Variants in SAMMSON observed in about 807,000 individuals in gnomAD.
SAMMSON encodes the protein survival associated mitochondrial melanoma specific oncogenic non-coding RNA.
chr3:70,198,032 T>C (rs1003585954), intron 4 of SAMMSON, among the ~76,000 whole-genome samples: 2 of 152,224 alleles, frequency 1.3e-5, no homozygotes, highest in African/African-American at 4.8e-5. Flanking sequence ...TTAGAAGATG[T>C]AGCAGTTCTC....
At chr3:70,294,264 T>G (rs1702268281) in intron 7 of SAMMSON, among the ~76,000 whole-genome samples, 1 of 151,364 alleles carries the variant, frequency 6.6e-6, no homozygotes, top group African/African-American at 2.4e-5. Flanking sequence ...GTGTTCTTTA[T>G]AAAACATTTT....
intron 4 of SAMMSON, among the ~76,000 whole-genome samples, chr3:70,151,064 C>A (rs2067569360): frequency 6.8e-6 from 1 of 147,292 alleles, no homozygotes; most frequent in Non-Finnish European, 1.5e-5. Context: ...AGCATCCAGC[C>A]AGGAAAACAG....
chr3:70,048,050 C>T (rs896162179), intron 3 of SAMMSON, among the ~76,000 whole-genome samples: 5 of 151,970 alleles, frequency 3.3e-5, no homozygotes, highest in African/African-American at 1.2e-4. Flanking sequence ...AGCAAAAATA[C>T]CACTCAGGTA....
intron 4 of SAMMSON, among the ~76,000 whole-genome samples, chr3:70,144,823 C>T (rs942406274): frequency 3.3e-5 from 5 of 152,158 alleles, no homozygotes; most frequent in Admixed American, 6.6e-5. Flanking sequence ...TGACTTGCTC[C>T]TCCTTGCCTC....
chr3:70,015,553 T>G (rs969446867), intron 3 of SAMMSON, among the ~76,000 whole-genome samples: 1 of 152,162 alleles, frequency 6.6e-6, no homozygotes, highest in East Asian at 1.9e-4. Context: ...CAGGTCTTAC[T>G]TGAGGTGTCT....
intron 6 of SAMMSON, among the ~76,000 whole-genome samples, chr3:70,260,212 C>G (rs1701852778): frequency 6.6e-6 from 1 of 152,156 alleles, no homozygotes; most frequent in Non-Finnish European, 1.5e-5. Flanking sequence ...CCAGCAATCA[C>G]AGGCATTCCT....
intron 2 of SAMMSON, among the ~76,000 whole-genome samples, chr3:70,401,778 T>C (rs1701143689): frequency 6.6e-6 from 1 of 152,180 alleles, no homozygotes; most frequent in Admixed American, 6.6e-5. Context: ...GCAAAAATTT[T>C]CCTTTTGCCT....
chr3:70,353,860 C>T lies in SAMMSON; in HGVS notation n.740-315C>T, dbSNP rs148040138. On this transcript the variant is annotated intron_variant and non_coding_transcript_variant, in intron 7 of 9. Transcript: ENST00000642114. ...GTGAATGGTTAAACAAACTGTGGTACATCTATTCCCTGGAATACAACTCAA... is the reference window on the plus strand; with the variant it reads ...GTGAATGGTTAAACAAACTGTGGTATATCTATTCCCTGGAATACAACTCAA... Among the ~76,000 whole-genome samples the T allele has an allele frequency of 1.4e-4, 22 of 152,316 alleles. No homozygotes were observed. The East Asian group carries it at 4.0e-3, about 28-fold the overall frequency.
At chr3:70,095,154 T>C (rs183217963) in intron 4 of SAMMSON, among the ~76,000 whole-genome samples, 1 of 152,262 alleles carries the variant, frequency 6.6e-6, no homozygotes, top group East Asian at 1.9e-4. Flanking sequence ...CAGTCCTCAG[T>C]TTTCCCTTAT....
At chr3:70,356,294 C>G (rs971925471) in intron 8 of SAMMSON, among the ~76,000 whole-genome samples, 1 of 152,000 alleles carries the variant, frequency 6.6e-6, no homozygotes, top group African/African-American at 2.4e-5. Flanking sequence ...CCTATTACCC[C>G]AAATCCAGCA....
chr3:70,143,402 G>A (rs1289630426), intron 4 of SAMMSON, among the ~76,000 whole-genome samples: 2 of 151,922 alleles, frequency 1.3e-5, no homozygotes, highest in African/African-American at 4.8e-5. Context: ...GCCAGTGGAG[G>A]TGGAATTATT....
chr3:70,289,874 CT>C (rs1262129173), intron 6 of SAMMSON, among the ~76,000 whole-genome samples: 1 of 151,934 alleles, frequency 6.6e-6, no homozygotes, highest in Non-Finnish European at 1.5e-5. Flanking sequence ...CTTCTGCATT[CT>C]TCACGTAGTT....
chr3:70,243,344 G>A (rs1701678758), intron 4 of SAMMSON, among the ~76,000 whole-genome samples: 1 of 152,098 alleles, frequency 6.6e-6, no homozygotes, highest in African/African-American at 2.4e-5. Context: ...AATTGGGGTT[G>A]TATTTGGCTC....
chr3:70,029,302 A>G (rs1372792796), intron 3 of SAMMSON, among the ~76,000 whole-genome samples: 1 of 152,190 alleles, frequency 6.6e-6, no homozygotes, highest in Admixed American at 6.5e-5. Flanking sequence ...TCTTTTAAAC[A>G]TACCATTATG....
intron 7 of SAMMSON, among the ~76,000 whole-genome samples, chr3:70,340,694 C>T (rs979293537): frequency 1.3e-5 from 2 of 152,170 alleles, no homozygotes; most frequent in Non-Finnish European, 1.5e-5. Context: ...CCTGTTGTCA[C>T]GATTCATTAT....
rs78161625 is a variant in SAMMSON, at chr3:70,353,098, A to G, written n.740-1077A>G. Among the ~76,000 whole-genome samples the G allele has an allele frequency of 2.5e-3, 381 of 152,150 alleles. 10 individuals are homozygous for G. The South Asian group carries it at 0.036, about 15-fold the overall frequency. The stretch of plus-strand genomic sequence containing the variant: ...TTAAAATTTATCTTATAACCTATCA[A>G]TGGACTTAAATGTAGAATACCCATT... On this transcript the variant is annotated intron_variant and non_coding_transcript_variant, in intron 7 of 9. Coordinates refer to ENST00000642114, the Ensembl canonical transcript of SAMMSON.
At chr3:70,256,937 T>C (rs572018644) in intron 6 of SAMMSON, among the ~76,000 whole-genome samples, 2 of 152,144 alleles carry the variant, frequency 1.3e-5, no homozygotes, top group Non-Finnish European at 2.9e-5. Context: ...TGGATTATAA[T>C]TGGTCCACCC....
chr3:70,180,565 T>C (rs1315993911), intron 4 of SAMMSON, among the ~76,000 whole-genome samples: 4 of 152,294 alleles, frequency 2.6e-5, no homozygotes, highest in Non-Finnish European at 4.4e-5. Context: ...GTCTCTTTTA[T>C]ACACCGACAT....
intron 7 of SAMMSON, among the ~76,000 whole-genome samples, chr3:70,352,894 T>C (rs1040172637): frequency 2.6e-5 from 4 of 152,016 alleles, no homozygotes; most frequent in Non-Finnish European, 5.9e-5. Context: ...CATAGATTAA[T>C]GAAACAGAAT....
Sources: allele counts gnomAD v4.1 joint callset (sites outside exome capture counted in the v4.1 genomes callset), GRCh38; gene constraint gnomAD v4.1.1; transcripts MANE v1.5; gene names NCBI Gene and HGNC (gene_info 2026-07-23, HGNC 2026-07-21).